CALN1: variants seen among roughly 807,000 people sequenced by gnomAD.
CALN1 encodes calneuron 1, also known as calcium-binding protein 8.
A neutral mutation model predicts 30.6 loss-of-function variants in CALN1; 17 were observed. That is an observed-to-expected ratio of 0.56 (90% CI 0.38 to 0.83). The LOEUF is 0.83. CALN1 is among the 40% of genes least tolerant of loss of function. CALN1 has a pLI of 0.00. For missense variants in CALN1, 291 were observed against 354.9 expected, an observed-to-expected ratio of 0.82 and a Z score of 1.45; for synonymous variants, 156 against 131.4, an observed-to-expected ratio of 1.19 and a Z score of -1.28.
intron 2 of CALN1, among the ~76,000 whole-genome samples, chr7:72,300,607 T>A (rs1799190127): frequency 6.6e-6 from 1 of 152,216 alleles, no homozygotes; most frequent in Non-Finnish European, 1.5e-5. Flanking sequence ...ACTTCTCTCC[T>A]AAAATTCTAT....
intron 2 of CALN1, among the ~76,000 whole-genome samples, chr7:72,330,153 C>T (rs970472722): frequency 1.3e-4 from 20 of 151,770 alleles, no homozygotes. Context: ...TTTATCTGGG[C>T]GTGGTGGCGG....
chr7:72,405,721 AAAAAAAAATGACATTT>A (rs1216185953), intron 1 of CALN1, among the ~76,000 whole-genome samples: 1 of 152,140 alleles, frequency 6.6e-6, no homozygotes, highest in African/African-American at 2.4e-5. Flanking sequence ...GAAACGCAAA[AAAAAAAAATGACATTT>A]TATTTTCAGA....
chr7:71,911,409 T>A (rs373333635), intron 5 of CALN1, among the ~76,000 whole-genome samples: 1 of 152,286 alleles, frequency 6.6e-6, no homozygotes, highest in African/African-American at 2.4e-5. Context: ...TCGGTACTCA[T>A]TGGATGCCTA....
intron 6 of CALN1, among the ~76,000 whole-genome samples, chr7:71,794,071 G>A (rs1163042518): frequency 1.3e-5 from 2 of 152,064 alleles, no homozygotes; most frequent in Admixed American, 6.6e-5. Context: ...ATGTGCAGAG[G>A]TTGCATAGTG....
At chr7:71,821,781 T>G (rs1788604567) in intron 5 of CALN1, among the ~76,000 whole-genome samples, 1 of 140,024 alleles carries the variant, frequency 7.1e-6, no homozygotes, top group South Asian at 2.3e-4. Context: ...CTGCTAAATG[T>G]TTCTTTCTTT....
At chr7:72,179,535 T>C (rs909321078) in intron 3 of CALN1, among the ~76,000 whole-genome samples, 2 of 152,246 alleles carry the variant, frequency 1.3e-5, no homozygotes, top group East Asian at 1.9e-4. Context: ...CTTATCATCA[T>C]GAAAATTAAA....
At chr7:72,007,495 C>T (rs189497303) in intron 5 of CALN1, among the ~76,000 whole-genome samples, 17 of 152,270 alleles carry the variant, frequency 1.1e-4, no homozygotes, top group African/African-American at 4.1e-4. Flanking sequence ...TGCAATGAGC[C>T]TGGATCGCAT....
chr7:72,295,801 G>A (rs543294113), intron 2 of CALN1, among the ~76,000 whole-genome samples: 145 of 151,606 alleles, frequency 9.6e-4, no homozygotes, highest in South Asian at 4.2e-3. Context: ...CAATCATGTC[G>A]TCTGCAAAGA....
intron 3 of CALN1, among the ~76,000 whole-genome samples, chr7:72,209,720 A>T (rs1366504141): frequency 6.6e-6 from 1 of 152,156 alleles, no homozygotes; most frequent in Non-Finnish European, 1.5e-5. Context: ...CCCCAGCCCT[A>T]AGCATCCATT....
intron 3 of CALN1, among the ~76,000 whole-genome samples, chr7:72,258,900 A>G (rs1275735446): frequency 7.7e-6 from 1 of 130,634 alleles, no homozygotes. Context: ...TAAAAAGTAA[A>G]AAAAAAAAAA....
rs200878254 is a variant in CALN1, at chr7:72,386,363, TA to T, written c.119+16887del. 3.9e-3 allele frequency among the ~76,000 whole-genome samples: 600 copies of T among 152,286 alleles called. 3 individuals are homozygous for T. The highest frequency in any genetic ancestry group is 0.014 in the African/African-American group (576 of 41,562). On this transcript the variant is annotated intron_variant, in intron 2 of 6. Coordinates refer to ENST00000395275, the MANE Select transcript of CALN1 (RefSeq NM_031468.4). The stretch of plus-strand genomic sequence containing the variant: ...AGGGGTTCGGAGAAAAGTGCTGACT[TA>T]AGTAACTTTGGAAATGGCTGGGTTC...
chr7:72,004,647 GT>G (rs1212263195), intron 5 of CALN1, among the ~76,000 whole-genome samples: 1 of 151,750 alleles, frequency 6.6e-6, no homozygotes, highest in Non-Finnish European at 1.5e-5. Context: ...TGACCAAGGA[GT>G]AGTATACAAA....
intron 5 of CALN1, among the ~76,000 whole-genome samples, chr7:71,861,619 A>C (rs1362534479): frequency 1.3e-5 from 2 of 151,928 alleles, no homozygotes; most frequent in African/African-American, 4.8e-5. Context: ...TACGAAAAAA[A>C]AAATTACAAA....
intron 3 of CALN1, among the ~76,000 whole-genome samples, chr7:72,258,181 G>A (rs79034446): frequency 1.3e-3 from 201 of 152,264 alleles, no homozygotes; most frequent in African/African-American, 4.8e-3. Flanking sequence ...TTTGACCCAA[G>A]TTCAGTGTGA....
In CALN1 at chr7:71,846,161, T is replaced by C. The variant is rs185251688; in HGVS notation, c.502-35669A>G. On this transcript the variant is annotated intron_variant, in intron 5 of 6. Coordinates refer to ENST00000395275, the MANE Select transcript of CALN1 (RefSeq NM_031468.4). The stretch of plus-strand genomic sequence containing the variant: ...GTTGAACATTCAGCACCTGACTGAC[T>C]GCAGCATTTAGGATACACCAACAAA... Among the ~76,000 whole-genome samples, 264 of 152,334 alleles carry C rather than the reference T, an allele frequency of 1.7e-3. 1 individual carries two copies. The highest frequency in any genetic ancestry group is 1.3e-3 in the Non-Finnish European group (88 of 68,020).
intron 3 of CALN1, among the ~76,000 whole-genome samples, chr7:72,192,896 A>AT (rs1002713091): frequency 2.0e-5 from 3 of 149,498 alleles, no homozygotes; most frequent in African/African-American, 7.4e-5. Context: ...CTTTAAAAAA[A>AT]TTTTGCCAGG....
chr7:72,431,620 T>C (rs900090743), intron 1 of CALN1, among the ~76,000 whole-genome samples: 1 of 152,084 alleles, frequency 6.6e-6, no homozygotes, highest in African/African-American at 2.4e-5. Context: ...TGGAAGATCG[T>C]TCGAGGCCAA....
At chr7:72,025,487 A>G (rs1800997518) in intron 4 of CALN1, among the ~76,000 whole-genome samples, 2 of 152,198 alleles carry the variant, frequency 1.3e-5, no homozygotes, top group Non-Finnish European at 2.9e-5. Flanking sequence ...TGTACAATGA[A>G]TGAATGATGT....
At chr7:72,378,120 G>T (rs911324264) in intron 2 of CALN1, among the ~76,000 whole-genome samples, 5 of 152,084 alleles carry the variant, frequency 3.3e-5, no homozygotes, top group Non-Finnish European at 2.9e-5. Flanking sequence ...AACAACCCCT[G>T]GTAGTGGTTT....
Sources: gnomAD v4.1 joint callset for allele counts (sites outside exome capture counted in the v4.1 genomes callset) on GRCh38, gnomAD v4.1.1 for gene constraint, MANE v1.5 for transcripts, NCBI Gene and HGNC (gene_info 2026-07-23, HGNC 2026-07-21) for gene names.